The following DIDO1 variants were observed in gnomAD, a reference collection of about 807,000 sequenced individuals.
DIDO1 encodes death-inducer obliterator 1.
Under a neutral mutation model 99.4 loss-of-function variants are expected in DIDO1, and 16 were observed. That is an observed-to-expected ratio of 0.16 (90% confidence interval 0.11 to 0.24). The LOEUF (loss-of-function observed/expected upper bound fraction) is 0.24, where lower values mean the gene tolerates loss of function less well. Among genes scored for constraint, DIDO1 ranks in the 10% least tolerant of loss-of-function variants. The pLI is 1.00. For synonymous variants in DIDO1, 1,366 were observed against 1,239.1 expected (o/e 1.10, Z -2.15); for missense variants, 2,996 against 3,014.0 (o/e 0.99, Z 0.14).
chr20:62,897,039 A>G, intron 6 of DIDO1, 43 bp from the exon 7 acceptor site: 1 of 1,544,434 alleles, frequency 6.5e-7, no homozygotes, highest in Non-Finnish European at 8.7e-7. Flanking sequence ...AGGACACCAC[A>G]GGGTGCTGTC....
chr20:62,899,967 G>A (rs771050815), intron 6 of DIDO1, among the ~76,000 whole-genome samples: 5 of 152,240 alleles, frequency 3.3e-5, no homozygotes, highest in Middle Eastern at 3.2e-3. Flanking sequence ...AATTCAATTT[G>A]CAAGTTCATC....
rs929670161 is a variant in DIDO1, at chr20:62,879,201, C to T, written c.*32G>A. The T allele has an allele frequency of 6.9e-7, 1 of 1,451,850 alleles. No individual in the cohort carries two copies. Among genetic ancestry groups the T allele is most frequent in the Non-Finnish European group, 9.0e-7 (1 of 1,107,388 alleles). 89.9% of individuals were successfully genotyped at this position (1,451,850 alleles called of 1,614,324 possible). ...TGTTCAACGCATCTTACGAACGTGG[C>T]TTTAAAAAGGGTCTCTGCCCGGCCG... On this transcript the variant is annotated 3_prime_UTR_variant, in exon 16 of 16. Coordinates refer to ENST00000395343, the MANE Select transcript of DIDO1 (RefSeq NM_001193369.2). This position sits in a 1 kb window ranked among gnomAD's most constrained non-coding sequence, Gnocchi z 6.3.
intron 1 of DIDO1, among the ~76,000 whole-genome samples, chr20:62,921,901 A>ATCCACAATATATATACACTATATATG (rs1568884910): frequency 2.0e-4 from 30 of 149,764 alleles, no homozygotes; most frequent in South Asian, 2.1e-4. Flanking sequence ...CTATATATAT[A>ATCCACAATATATATACACTATATATG]TCCACAATAT....
At chr20:62,887,116 C>T in intron 15 of DIDO1, 1 of 985,488 alleles carries the variant, frequency 1.0e-6, no homozygotes, top group African/African-American at 1.7e-5. Flanking sequence ...GCTGGGCACA[C>T]TAGGGTGCAC....
intron 6 of DIDO1, among the ~76,000 whole-genome samples, chr20:62,900,901 TTC>T (rs1481142893): frequency 1.3e-5 from 2 of 152,194 alleles, no homozygotes; most frequent in Non-Finnish European, 2.9e-5. Context: ...TGGAAGTAAA[TTC>T]TGTTCACTGT....
Position 62,937,857 on chromosome 20 carries a change from C to T in DIDO1, c.-261G>A, listed in dbSNP as rs200362267. 1.9e-4 allele frequency: 76 copies of T among 398,586 alleles called. No homozygotes were observed. In the East Asian group the frequency reaches 2.6e-3, roughly 13 times the overall value. 24.7% of individuals were successfully genotyped at this position (398,586 alleles called of 1,614,324 possible). ...GTTCCAGATTTCCGCGCTCCAACGCCTCCGCAGCAGCCATCTTGCCAGAGG... is the reference window on the plus strand; with the variant it reads ...GTTCCAGATTTCCGCGCTCCAACGCTTCCGCAGCAGCCATCTTGCCAGAGG... On this transcript the variant is annotated 5_prime_UTR_variant, in exon 1 of 16. Transcript: ENST00000266070.
intron 5 of DIDO1, among the ~76,000 whole-genome samples, chr20:62,906,935 T>C (rs937157295): frequency 3.3e-5 from 5 of 152,224 alleles, no homozygotes; most frequent in Admixed American, 6.5e-5. Flanking sequence ...TTGTCAGCAT[T>C]TGCTTTACTG....
Position 62,881,275 on chromosome 20 carries a change from G to A in DIDO1, c.4681C>T (p.Arg1561Trp). The change falls in exon 16 of 16, where the codon CGG becomes TGG. Residue 1561 changes from arginine to tryptophan, a missense_variant. Physicochemically the swap from Arg to Trp is moderately radical, Grantham distance 101. This residue lies in a region of DIDO1 where 1,562 missense variants were observed against 1,412.6 expected (regional missense o/e 1.11). Coordinates refer to ENST00000395343, the MANE Select transcript of DIDO1 (RefSeq NM_001193369.2). The surrounding 1 kb of genome is among the most constrained non-coding windows in gnomAD (Gnocchi z 8.3). The part of the protein sequence containing the change: ...ASQASNHRDP[R>W]QARRLATETG... ...TCAGTGGCCAGGCGCCTCGCCTGCCGGGGGTCCCTGTGGTTTGACGCCTGG... is the reference window on the plus strand; with the variant it reads ...TCAGTGGCCAGGCGCCTCGCCTGCCAGGGGTCCCTGTGGTTTGACGCCTGG... 6.2e-7 allele frequency: 1 copy of A among 1,603,298 alleles called. No individual in the cohort carries two copies. Among genetic ancestry groups the A allele is most frequent in the South Asian group, 1.1e-5 (1 of 90,864 alleles).
In DIDO1 at chr20:62,926,453, G is replaced by A. The variant is rs1249306941; in HGVS notation, c.-214C>T. 2 of 151,880 alleles carry A rather than the reference G, an allele frequency of 1.3e-5. No individual in the cohort carries two copies. The highest frequency in any genetic ancestry group is 4.8e-5 in the African/African-American group (2 of 41,382). The allele number at this position is 151,880 out of a possible 1,614,324, so 9.4% of individuals were successfully genotyped here. On this transcript the variant is annotated 5_prime_UTR_variant, in exon 1 of 16. Coordinates refer to ENST00000395343, the MANE Select transcript of DIDO1 (RefSeq NM_001193369.2). ...TTACCGCAGGCCGCAGGCCTCTAGGGTCTCGCAGCCATTTCCCCGAACGCC... is the reference window on the plus strand; with the variant it reads ...TTACCGCAGGCCGCAGGCCTCTAGGATCTCGCAGCCATTTCCCCGAACGCC...
intron 15 of DIDO1, chr20:62,889,254 C>A: frequency 1.0e-6 from 1 of 985,588 alleles, no homozygotes; most frequent in Non-Finnish European, 1.2e-6. Context: ...ACAGCCAGCC[C>A]TTGCTGTGGG....
chr20:62,934,031 T>C (rs1489022294), intron 1 of DIDO1, among the ~76,000 whole-genome samples: 1 of 152,208 alleles, frequency 6.6e-6, no homozygotes, highest in African/African-American at 2.4e-5. Flanking sequence ...GGCCAAGCCT[T>C]TGGTTTCTCT....
At chr20:62,899,927 A>G (rs1368936946) in intron 6 of DIDO1, among the ~76,000 whole-genome samples, 2 of 152,250 alleles carry the variant, frequency 1.3e-5, no homozygotes, top group African/African-American at 4.8e-5. Context: ...TGCTGCTGAA[A>G]TGGGGACAGA....
chr20:62,935,939 G>A (rs2065378600), intron 1 of DIDO1, among the ~76,000 whole-genome samples: 1 of 152,240 alleles, frequency 6.6e-6, no homozygotes, highest in South Asian at 2.1e-4. Context: ...TTTCTAGAGA[G>A]GATTAAGGAG....
chr20:62,888,564 G>C, intron 15 of DIDO1: 1 of 985,582 alleles, frequency 1.0e-6, no homozygotes, highest in Non-Finnish European at 1.2e-6. Flanking sequence ...AGCACCCTCA[G>C]GTGTGGCCTG....
At chr20:62,899,892 T>A (rs2064624360) in intron 6 of DIDO1, among the ~76,000 whole-genome samples, 1 of 152,226 alleles carries the variant, frequency 6.6e-6, no homozygotes. Context: ...TGGGACAGCA[T>A]GGCTGGTGCT....
chr20:62,930,197 C>T (rs1401978088), upstream of DIDO1, among the ~76,000 whole-genome samples: 1 of 149,752 alleles, frequency 6.7e-6, no homozygotes, highest in East Asian at 2.0e-4. Flanking sequence ...AGCGAGACTC[C>T]GTCTCAAAGA....
upstream of DIDO1, among the ~76,000 whole-genome samples, chr20:62,929,693 GTGTATATA>G (rs749455281): frequency 6.6e-3 from 646 of 97,978 alleles, 81 homozygotes; most frequent in Non-Finnish European, 8.5e-3. Flanking sequence ...AAAAGAAAAA[GTGTATATA>G]TATATATATA....
In DIDO1 at chr20:62,881,927, G is replaced by C. The variant is rs768778660; in HGVS notation, c.4029C>G (p.Pro1343=). Residue 1343 remains proline, a synonymous_variant, in exon 16 of 16, where the codon CCC becomes CCG. Transcript: ENST00000395343. The surrounding 1 kb of genome is among the most constrained non-coding windows in gnomAD (Gnocchi z 8.3). ...CCTCTGCTGTGGTTTTGGGCTCCTGGGGGAGACCTGCGGTGGACCCGGGAG... is the reference window on the plus strand; with the variant it reads ...CCTCTGCTGTGGTTTTGGGCTCCTGCGGGAGACCTGCGGTGGACCCGGGAG... The part of the protein sequence containing the change: ...REPPGSTAGL[P]QEPKTTAEDG... 1 of 1,613,414 alleles carries C rather than the reference G, an allele frequency of 6.2e-7. No individual in the cohort carries two copies. The highest frequency in any genetic ancestry group is 8.5e-7 in the Non-Finnish European group (1 of 1,180,042).
chr20:62,912,923 T>G (rs1024071373), intron 2 of DIDO1, among the ~76,000 whole-genome samples: 12 of 152,082 alleles, frequency 7.9e-5, no homozygotes, highest in Admixed American at 7.9e-4. Flanking sequence ...TCCCAGATAC[T>G]TGGGAGGCTG....
Sources: allele counts gnomAD v4.1 joint callset (sites outside exome capture counted in the v4.1 genomes callset), GRCh38; gene constraint gnomAD v4.1.1; regional missense constraint gnomAD v4.1.1; non-coding constraint Gnocchi (gnomAD v3.1); transcripts MANE v1.5; gene names NCBI Gene and HGNC (gene_info 2026-07-23, HGNC 2026-07-21).